The following SSBP3 variants were observed in gnomAD, a reference collection of about 807,000 sequenced individuals.
SSBP3 encodes single stranded DNA binding protein 3, also known as single-stranded DNA-binding protein 3.
A neutral mutation model predicts 69.6 loss-of-function variants in SSBP3; 5 were observed. That is an observed-to-expected ratio of 0.07 (90% CI 0.04 to 0.15). The LOEUF is 0.15. SSBP3 is among the 10% of genes least tolerant of loss of function. The pLI is 1.00. For missense variants in SSBP3, 312 were observed against 534.0 expected, an observed-to-expected ratio of 0.58 and a Z score of 4.10; for synonymous variants, 196 against 193.4, an observed-to-expected ratio of 1.01 and a Z score of -0.11.
At chr1:54,227,187 G>GGT in intron 17 of SSBP3, 27 bp from the exon 18 acceptor site, 1 of 1,145,974 alleles carries the variant, frequency 8.7e-7, no homozygotes, top group Non-Finnish European at 1.3e-6. Context: ...GAGAAGGGGG[G>GGT]GGGGTGAGGA....
chr1:54,387,454 T>C (rs1648174410), intron 4 of SSBP3, among the ~76,000 whole-genome samples: 1 of 152,188 alleles, frequency 6.6e-6, no homozygotes, highest in Non-Finnish European at 1.5e-5. Flanking sequence ...AGAAGGGCCT[T>C]CTCGGATTAT....
At chr1:54,235,288 T>TG (rs1644468774) in intron 14 of SSBP3, among the ~76,000 whole-genome samples, 1 of 105,074 alleles carries the variant, frequency 9.5e-6, no homozygotes, top group African/African-American at 3.5e-5. Context: ...TTTTTTTTTT[T>TG]TTTTTTTTTT....
intron 5 of SSBP3, among the ~76,000 whole-genome samples, chr1:54,276,112 AATACTCCC>A (rs1645279129): frequency 1.3e-5 from 2 of 152,148 alleles, no homozygotes; most frequent in Non-Finnish European, 2.9e-5. Flanking sequence ...GGATGTGTCA[AATACTCCC>A]TACTATCCTT....
At chr1:54,311,662 C>T (rs1378471531) in intron 4 of SSBP3, among the ~76,000 whole-genome samples, 3 of 152,152 alleles carry the variant, frequency 2.0e-5, no homozygotes, top group Non-Finnish European at 4.4e-5. Flanking sequence ...GGGCGGCAGA[C>T]TCAGGAGGGC....
intron 6 of SSBP3, among the ~76,000 whole-genome samples, chr1:54,257,868 T>C (rs1309944923): frequency 6.6e-6 from 1 of 152,196 alleles, no homozygotes; most frequent in Non-Finnish European, 1.5e-5. Context: ...TTCCTTTTGG[T>C]TTCGTATCCA....
chr1:54,360,132 CA>C (rs768853650), intron 4 of SSBP3, among the ~76,000 whole-genome samples: 11 of 152,232 alleles, frequency 7.2e-5, no homozygotes, highest in East Asian at 5.8e-4. Flanking sequence ...GAATCAATTA[CA>C]TAACTTCTCT....
At chr1:54,382,124 G>A (rs1398631223) in intron 4 of SSBP3, among the ~76,000 whole-genome samples, 3 of 152,230 alleles carry the variant, frequency 2.0e-5, no homozygotes, top group African/African-American at 4.8e-5. Flanking sequence ...AACCCAGGAG[G>A]CAGAGGCTGC....
At chr1:54,401,933 G>A (rs1035612622) in exon 4 of SSBP3, 3 of 1,613,904 alleles carry the variant, frequency 1.9e-6, no homozygotes, top group Non-Finnish European at 2.5e-6. Flanking sequence ...CACAGTAAAG[G>A]TCCCAAAATA....
Position 54,227,392 on chromosome 1 carries a change from G to A in SSBP3, c.1138-232C>T, listed in dbSNP as rs560235918. The stretch of plus-strand genomic sequence containing the variant: ...CTTCTCAGTGCCAGCCTGCCCTTCT[G>A]TTGGGAACTAAGGCAGCTGACGGCG... On this transcript the variant is annotated intron_variant, in intron 17 of 17. Coordinates refer to ENST00000610401, the Ensembl canonical transcript of SSBP3. Among the ~76,000 whole-genome samples the A allele has an allele frequency of 8.5e-5, 13 of 152,292 alleles. No homozygotes were observed. In the South Asian group the frequency reaches 2.7e-3, roughly 32 times the overall value.
intron 9 of SSBP3, among the ~76,000 whole-genome samples, chr1:54,250,757 G>A (rs1308002503): frequency 6.6e-6 from 1 of 152,154 alleles, no homozygotes; most frequent in East Asian, 1.9e-4. Flanking sequence ...GTGGAACATC[G>A]CGAACGCTCT....
intron 7 of SSBP3, 125 bp from the exon 8 acceptor site, chr1:54,251,985 A>G (rs1457342051): frequency 3.8e-6 from 3 of 780,368 alleles, no homozygotes; most frequent in Non-Finnish European, 6.5e-6. Context: ...CCTCCCTGAG[A>G]CTTCTGCTGC....
chr1:54,411,149 T>A (rs1649979602), upstream of SSBP3, among the ~76,000 whole-genome samples: 1 of 152,338 alleles, frequency 6.6e-6, no homozygotes, highest in Non-Finnish European at 1.5e-5. Context: ...AGCCTTGTTT[T>A]GTTTTGTTTT....
chr1:54,241,420 GCA>G (rs1160436817), intron 12 of SSBP3, 52 bp downstream of exon 12: 1 of 1,594,472 alleles, frequency 6.3e-7, no homozygotes, highest in African/African-American at 1.3e-5. Context: ...CAGTTCTCTT[GCA>G]CACTCAGTCC....
chr1:54,240,783 T>C, intron 13 of SSBP3, 122 bp downstream of exon 13: 1 of 1,297,160 alleles, frequency 7.7e-7, no homozygotes, highest in Non-Finnish European at 1.1e-6. Flanking sequence ...GTGGAAGATG[T>C]GCTGCCCAGG....
At position 54,273,319 on chromosome 1, in the gene SSBP3, C is replaced by T. The variant is rs562385025; in HGVS notation, c.366+8119G>A. Among the ~76,000 whole-genome samples, 15 of 152,180 alleles carry T rather than the reference C, an allele frequency of 9.9e-5. No homozygotes were observed. In the South Asian group the frequency reaches 1.2e-3, roughly 13 times the overall value. On this transcript the variant is annotated intron_variant, in intron 5 of 17. Transcript: ENST00000610401. ...GTGCAGACACAAACATATCCACATGCGTGCACACAGGCATGCGTGCACACA... is the reference window on the plus strand; with the variant it reads ...GTGCAGACACAAACATATCCACATGTGTGCACACAGGCATGCGTGCACACA...
At chr1:54,353,420 G>A (rs1328759262) in intron 4 of SSBP3, among the ~76,000 whole-genome samples, 5 of 152,212 alleles carry the variant, frequency 3.3e-5, no homozygotes, top group Middle Eastern at 3.2e-3. Flanking sequence ...TTACACACAT[G>A]TGGCCAGGCC....
chr1:54,248,026 CTGACATGTGA>C (rs1644763260), intron 9 of SSBP3, among the ~76,000 whole-genome samples: 1 of 152,190 alleles, frequency 6.6e-6, no homozygotes, highest in South Asian at 2.1e-4. Flanking sequence ...GACATTTAGG[CTGACATGTGA>C]CACAGACTCA....
At position 54,329,290 on chromosome 1, in the gene SSBP3, G is replaced by A. The variant is rs536110901; in HGVS notation, c.277-47763C>T. Among the ~76,000 whole-genome samples, 6 of 152,310 alleles carry A rather than the reference G, an allele frequency of 3.9e-5. No homozygotes were observed. In the East Asian group the frequency reaches 7.7e-4, roughly 20 times the overall value. On this transcript the variant is annotated intron_variant, in intron 4 of 17. Transcript: ENST00000610401. ...TCAAGGCAGACACATTAAGAAGGCT[G>A]CACATTTATCTTTCTGACATTTTAA...
At chr1:54,261,938 A>G (rs1645023361) in intron 5 of SSBP3, among the ~76,000 whole-genome samples, 1 of 152,142 alleles carries the variant, frequency 6.6e-6, no homozygotes, top group Non-Finnish European at 1.5e-5. Context: ...GGGGAGGAGA[A>G]AAGAGAGGCC....
Sources: gnomAD v4.1 joint callset for allele counts (sites outside exome capture counted in the v4.1 genomes callset) on GRCh38, gnomAD v4.1.1 for gene constraint, MANE v1.5 for transcripts, NCBI Gene and HGNC (gene_info 2026-07-23, HGNC 2026-07-21) for gene names.